DOCK2: variants seen among roughly 807,000 people sequenced by gnomAD.
DOCK2 encodes the protein dedicator of cytokinesis protein 2.
DOCK2 carries 87 observed loss-of-function variants against 248.9 expected under a neutral mutation model. That is an observed-to-expected ratio of 0.35 (90% CI 0.29 to 0.42). DOCK2 has a LOEUF of 0.42. Among genes scored for constraint, DOCK2 ranks in the 10% least tolerant of loss-of-function variants. The probability of loss-of-function intolerance (pLI) is 1.00; values close to 1 mark genes in which losing one functional copy is unlikely to be tolerated. For missense variants in DOCK2, 1,747 were observed against 2,300.2 expected, an observed-to-expected ratio of 0.76 and a Z score of 4.92; for synonymous variants, 805 against 821.6, an observed-to-expected ratio of 0.98 and a Z score of 0.35.
chr5:169,793,986 A>G (rs540554388), intron 25 of DOCK2, among the ~76,000 whole-genome samples: 1 of 152,208 alleles, frequency 6.6e-6, no homozygotes, highest in African/African-American at 2.4e-5. Flanking sequence ...ACAGGCCCCT[A>G]GATTCTCTTC....
chr5:169,968,112 C>T (rs901450581), intron 27 of DOCK2, among the ~76,000 whole-genome samples: 1 of 152,182 alleles, frequency 6.6e-6, no homozygotes, highest in South Asian at 2.1e-4. Flanking sequence ...ATTCTCTTTA[C>T]TTATCAGAAA....
At chr5:169,886,132 T>C (rs917794408) in intron 27 of DOCK2, among the ~76,000 whole-genome samples, 1 of 152,120 alleles carries the variant, frequency 6.6e-6, no homozygotes, top group African/African-American at 2.4e-5. Flanking sequence ...AAACCCCTCT[T>C]TTTCTTTATA....
At position 169,704,930 on chromosome 5, in the gene DOCK2, G is replaced by A. The variant is rs558617282; in HGVS notation, c.1383+2503G>A. Among the ~76,000 whole-genome samples, 55 of 152,166 alleles carry A rather than the reference G, an allele frequency of 3.6e-4. 3 individuals are homozygous for A. In the South Asian group the frequency reaches 0.011, roughly 30 times the overall value. ...TAATCCCAGCACTTTGGGAGGCCAA[G>A]GGGGGCAGATCACTTGAGGTCAGGA... On this transcript the variant is annotated intron_variant, in intron 14 of 51. Transcript: ENST00000520908.
At chr5:169,883,247 C>T in intron 27 of DOCK2, 1 of 1,551,626 alleles carries the variant, frequency 6.4e-7, no homozygotes, top group East Asian at 2.4e-5. Flanking sequence ...AGAGCAGACT[C>T]TCTAGCTTCC....
At chr5:169,983,228 T>A (rs1474698473) in intron 28 of DOCK2, 62 bp downstream of exon 28, 24 of 1,554,448 alleles carry the variant, frequency 1.5e-5, no homozygotes, top group Non-Finnish European at 1.8e-6. Flanking sequence ...ATGGCTTCTG[T>A]CCCTGTCAGA....
intron 27 of DOCK2, among the ~76,000 whole-genome samples, chr5:169,966,429 T>C (rs1054908752): frequency 6.6e-6 from 1 of 152,224 alleles, no homozygotes; most frequent in African/African-American, 2.4e-5. Context: ...TAACCATTTA[T>C]TGAGCACTTA....
intron 23 of DOCK2, among the ~76,000 whole-genome samples, chr5:169,758,573 C>T (rs571250431): frequency 1.6e-4 from 25 of 152,316 alleles, no homozygotes; most frequent in Middle Eastern, 3.4e-3. Flanking sequence ...TTAAGGGTTA[C>T]GAGAAATGGC....
intron 5 of DOCK2, among the ~76,000 whole-genome samples, chr5:169,673,051 G>A (rs1418598689): frequency 5.9e-5 from 9 of 152,076 alleles, no homozygotes; most frequent in Admixed American, 5.9e-4. Context: ...CATTACACAG[G>A]CATGATTGAT....
chr5:169,816,817 C>T (rs868357676), intron 26 of DOCK2, among the ~76,000 whole-genome samples: 10 of 152,258 alleles, frequency 6.6e-5, no homozygotes, highest in Middle Eastern at 3.4e-3. Context: ...AAGCAACCAT[C>T]CTTTGTGTTA....
chr5:169,941,265 A>G (rs1255733400), intron 27 of DOCK2, among the ~76,000 whole-genome samples: 1 of 152,094 alleles, frequency 6.6e-6, no homozygotes, highest in Non-Finnish European at 1.5e-5. Flanking sequence ...CTGGAATGCA[A>G]TGGATAATCT....
At chr5:169,749,733 G>C (rs766684613) in intron 23 of DOCK2, among the ~76,000 whole-genome samples, 12 of 152,210 alleles carry the variant, frequency 7.9e-5, no homozygotes, top group Non-Finnish European at 1.2e-4. Flanking sequence ...CCCTGCTGGG[G>C]ATGGATGTCT....
rs267600546 is a variant in DOCK2, at chr5:169,714,082, C to T, written c.1714C>T (p.Arg572Ter). ...CGCATACCTGACCCTTCCTTCTTAT[C>T]GACACCATGTGGAAAACAAGGGGGC... is the stretch of plus-strand genomic sequence containing the variant. ...ASAYLTLPSY[R>*]HHVENKGATL... The change falls in exon 18 of 52, where the codon CGA becomes TGA. Residue 572 changes from arginine to a stop codon, truncating the protein, a stop_gained. Coordinates refer to ENST00000520908, the MANE Select transcript of DOCK2 (RefSeq NM_004946.3). LOFTEE classifies it high-confidence loss of function. 1.2e-6 allele frequency: 2 copies of T among 1,613,406 alleles called. No homozygotes were observed. Among genetic ancestry groups the T allele is most frequent in the African/African-American group, 1.3e-5 (1 of 74,984 alleles).
chr5:169,695,629 T>C (rs1019491651), intron 9 of DOCK2, among the ~76,000 whole-genome samples, 174 bp from the exon 10 acceptor site: 1 of 152,216 alleles, frequency 6.6e-6, no homozygotes, highest in African/African-American at 2.4e-5. Context: ...TGCTTATCTG[T>C]GAAATGGATG....
intron 44 of DOCK2, among the ~76,000 whole-genome samples, chr5:170,066,088 A>G (rs1757485707): frequency 6.6e-6 from 1 of 151,078 alleles, no homozygotes; most frequent in African/African-American, 2.4e-5. Flanking sequence ...AGTAACTGGG[A>G]CTACAGGCGC....
chr5:169,938,713 T>G (rs1258439394), intron 27 of DOCK2, among the ~76,000 whole-genome samples: 1 of 152,186 alleles, frequency 6.6e-6, no homozygotes, highest in Non-Finnish European at 1.5e-5. Context: ...TATGCTACAT[T>G]TATTAAAAAT....
At chr5:169,702,236 C>G (rs752442246) in intron 13 of DOCK2, 67 bp from the exon 14 acceptor site, 19 of 1,576,330 alleles carry the variant, frequency 1.2e-5, no homozygotes, top group Non-Finnish European at 1.6e-5. Context: ...TCCATCCCCT[C>G]TAGTTAGTCA....
chr5:169,856,290 A>T (rs1770889823), intron 27 of DOCK2, among the ~76,000 whole-genome samples: 1 of 152,214 alleles, frequency 6.6e-6, no homozygotes, highest in African/African-American at 2.4e-5. Flanking sequence ...TATTGTCAGA[A>T]GCTGCCCACC....
intron 2 of DOCK2, among the ~76,000 whole-genome samples, chr5:169,667,602 C>T (rs1159735633): frequency 1.3e-5 from 2 of 152,228 alleles, no homozygotes; most frequent in African/African-American, 4.8e-5. Context: ...CAGGGTGTTG[C>T]TTGAGTGTAA....
chr5:170,081,673 A>G (rs554759896), intron 50 of DOCK2, 169 bp from the exon 51 acceptor site: 18 of 743,306 alleles, frequency 2.4e-5, no homozygotes, highest in South Asian at 2.1e-4. Flanking sequence ...GACAGCTTCA[A>G]TGTCCCCTGG....
Sources: gnomAD v4.1 joint callset for allele counts (sites outside exome capture counted in the v4.1 genomes callset) on GRCh38, gnomAD v4.1.1 for gene constraint, MANE v1.5 for transcripts, NCBI Gene and HGNC (gene_info 2026-07-23, HGNC 2026-07-21) for gene names.